The following TMEM108 variants were observed in gnomAD, a reference collection of about 807,000 sequenced individuals.
TMEM108 encodes cancer/testis antigen 124.
A neutral mutation model predicts 35.1 loss-of-function variants in TMEM108; 12 were observed. That is an observed-to-expected ratio of 0.34 (90% CI 0.22 to 0.55). The LOEUF is 0.55. TMEM108 is among the 20% of genes least tolerant of loss of function. TMEM108 has a pLI of 0.89. For missense variants in TMEM108, 680 were observed against 753.3 expected (o/e 0.90, Z 1.14); for synonymous variants, 287 against 308.6 (o/e 0.93, Z 0.73).
intron 3 of TMEM108, among the ~76,000 whole-genome samples, chr3:133,358,920 G>T (rs1044191431): frequency 3.3e-5 from 5 of 152,112 alleles, no homozygotes; most frequent in Non-Finnish European, 7.3e-5. Context: ...AAAACTTATT[G>T]GGAACCTTCC....
intron 3 of TMEM108, among the ~76,000 whole-genome samples, chr3:133,335,687 G>A (rs377505107): frequency 2.0e-5 from 3 of 152,042 alleles, no homozygotes; most frequent in East Asian, 1.9e-4. Flanking sequence ...TCCCCCATGC[G>A]GGAACACCAA....
chr3:133,318,996 C>T (rs1204702870), intron 3 of TMEM108, among the ~76,000 whole-genome samples: 1 of 150,816 alleles, frequency 6.6e-6, no homozygotes, highest in Non-Finnish European at 1.5e-5. Flanking sequence ...TGGAGATAAA[C>T]TCAGCGCTGT....
chr3:133,372,952 T>G (rs2072719359), intron 3 of TMEM108, among the ~76,000 whole-genome samples: 1 of 152,238 alleles, frequency 6.6e-6, no homozygotes, highest in African/African-American at 2.4e-5. Context: ...GATACATATT[T>G]ATTTTTGGTT....
intron 5 of TMEM108, among the ~76,000 whole-genome samples, chr3:133,393,857 T>C (rs1174726442): frequency 6.6e-6 from 1 of 152,160 alleles, no homozygotes; most frequent in African/African-American, 2.4e-5. Flanking sequence ...CAGTTAGTCA[T>C]TTGGCACAGA....
intron 3 of TMEM108, chr3:133,303,352 T>A (rs1947258064): frequency 6.6e-6 from 1 of 152,138 alleles, no homozygotes; most frequent in South Asian, 2.1e-4. Context: ...GTGGGTAAGT[T>A]TGGACCTTTC....
chr3:133,077,827 G>A (rs1475319648), intron 2 of TMEM108, among the ~76,000 whole-genome samples: 2 of 152,070 alleles, frequency 1.3e-5, no homozygotes. Flanking sequence ...TTTGTGTATA[G>A]AGTAAATAGG....
intron 2 of TMEM108, among the ~76,000 whole-genome samples, chr3:133,103,531 A>G (rs563097420): frequency 6.6e-6 from 1 of 152,214 alleles, no homozygotes; most frequent in South Asian, 2.1e-4. Flanking sequence ...ACAACCCCCC[A>G]TGATACAAGT....
intron 3 of TMEM108, among the ~76,000 whole-genome samples, chr3:133,257,499 T>G (rs1946564344): frequency 6.6e-6 from 1 of 151,528 alleles, no homozygotes; most frequent in South Asian, 2.1e-4. Context: ...CTGACTTCAT[T>G]TCACTGCCTC....
chr3:133,193,750 A>G (rs973376221), intron 2 of TMEM108, among the ~76,000 whole-genome samples: 6 of 152,210 alleles, frequency 3.9e-5, no homozygotes, highest in South Asian at 2.1e-4. Context: ...TCTTTCTCAT[A>G]TTACTGATCA....
chr3:133,041,149 G>C (rs1205134251), intron 1 of TMEM108, among the ~76,000 whole-genome samples: 1 of 152,222 alleles, frequency 6.6e-6, no homozygotes, highest in Non-Finnish European at 1.5e-5. Context: ...GGCTGCTTTT[G>C]GATCCTTGAG....
chr3:133,129,357 C>G (rs530155556), intron 2 of TMEM108, among the ~76,000 whole-genome samples: 1 of 133,988 alleles, frequency 7.5e-6, no homozygotes, highest in African/African-American at 3.0e-5. Context: ...CACCCCCCCC[C>G]CCAAAAAAAA....
At chr3:133,393,140 C>T (rs1183462711) in intron 5 of TMEM108, among the ~76,000 whole-genome samples, 2 of 152,222 alleles carry the variant, frequency 1.3e-5, no homozygotes, top group East Asian at 1.9e-4. Context: ...CTTAGAGCTT[C>T]GTTCTTGCAC....
intron 3 of TMEM108, among the ~76,000 whole-genome samples, chr3:133,272,752 A>G (rs1355759766): frequency 1.3e-5 from 2 of 152,230 alleles, no homozygotes; most frequent in Non-Finnish European, 2.9e-5. Flanking sequence ...CTGATGAAGA[A>G]AGAGAAGATG....
At chr3:133,234,426 G>T (rs1172631110) in intron 3 of TMEM108, among the ~76,000 whole-genome samples, 1 of 152,020 alleles carries the variant, frequency 6.6e-6, no homozygotes, top group Non-Finnish European at 1.5e-5. Context: ...TTCATCCCTG[G>T]GATGCAAGGC....
intron 2 of TMEM108, among the ~76,000 whole-genome samples, chr3:133,050,616 A>G (rs1943392993): frequency 6.6e-6 from 1 of 151,994 alleles, no homozygotes; most frequent in Non-Finnish European, 1.5e-5. Context: ...ATTATAGTCT[A>G]TAGGTATTTT....
chr3:133,198,648 G>A (rs1945614657), intron 2 of TMEM108, among the ~76,000 whole-genome samples: 1 of 152,052 alleles, frequency 6.6e-6, no homozygotes, highest in Non-Finnish European at 1.5e-5. Flanking sequence ...ACTAGTTTGG[G>A]TAGAGAAAAA....
intron 2 of TMEM108, among the ~76,000 whole-genome samples, chr3:133,203,214 A>G (rs1442015425): frequency 1.3e-5 from 2 of 152,140 alleles, no homozygotes; most frequent in African/African-American, 4.8e-5. Flanking sequence ...GGGTTTTCTA[A>G]ATAGACAATC....
At chr3:133,285,865 T>G (rs2107691521) in intron 3 of TMEM108, among the ~76,000 whole-genome samples, 1 of 152,338 alleles carries the variant, frequency 6.6e-6, no homozygotes, top group African/African-American at 2.4e-5. Flanking sequence ...TATCTTGTTT[T>G]GCAGTCCAGT....
intron 3 of TMEM108, among the ~76,000 whole-genome samples, chr3:133,342,081 T>C (rs2071674943): frequency 6.6e-6 from 1 of 151,428 alleles, no homozygotes; most frequent in African/African-American, 2.4e-5. Flanking sequence ...AAATAATTAA[T>C]AAAGTGAAGA....
Sources: gnomAD v4.1 joint callset for allele counts (sites outside exome capture counted in the v4.1 genomes callset) on GRCh38, gnomAD v4.1.1 for gene constraint, MANE v1.5 for transcripts, NCBI Gene and HGNC (gene_info 2026-07-23, HGNC 2026-07-21) for gene names.